The following SDK1 variants were observed in gnomAD, a reference collection of about 807,000 sequenced individuals.
SDK1 encodes the protein protein sidekick-1.
A neutral mutation model predicts 245.5 loss-of-function variants in SDK1; 157 were observed. The ratio of observed to expected loss-of-function variants is 0.64; its 90% CI spans 0.56 to 0.73. SDK1 has a LOEUF of 0.73. Among genes scored for constraint, SDK1 ranks in the 30% least tolerant of loss-of-function variants. SDK1 has a pLI of 0.00. For synonymous variants in SDK1, 1,647 were observed against 1,278.5 expected, an observed-to-expected ratio of 1.29 and a Z score of -6.15; for missense variants, 3,583 against 3,002.3, an observed-to-expected ratio of 1.19 and a Z score of -4.52.
intron 32 of SDK1, among the ~76,000 whole-genome samples, chr7:4,173,129 T>C (rs1409674965): frequency 1.3e-5 from 2 of 152,228 alleles, no homozygotes; most frequent in Non-Finnish European, 2.9e-5. Flanking sequence ...ACACCGGAAG[T>C]TCTGTGCACA....
rs144470781 is a variant in SDK1 at position 3,388,185 on chromosome 7, A to C, written c.298+86301A>C. On this transcript the variant is annotated intron_variant, in intron 1 of 44. Transcript: ENST00000404826. ...CTTCAGTTATTTTAGTTATAAAATGAGATGGGATAAGGTTCACTGTTAAAT... is the reference window on the plus strand; with the variant it reads ...CTTCAGTTATTTTAGTTATAAAATGCGATGGGATAAGGTTCACTGTTAAAT... 5.9e-5 allele frequency among the ~76,000 whole-genome samples: 9 copies of C among 152,248 alleles called. No individual in the cohort carries two copies. The East Asian group carries it at 1.7e-3, about 29-fold the overall frequency.
At chr7:3,439,584 T>G (rs1780134354) in intron 1 of SDK1, among the ~76,000 whole-genome samples, 1 of 152,246 alleles carries the variant, frequency 6.6e-6, no homozygotes, top group Non-Finnish European at 1.5e-5. Context: ...GTCACTGTTG[T>G]GGGAATGTCC....
intron 1 of SDK1, among the ~76,000 whole-genome samples, chr7:3,311,929 G>A (rs1353776494): frequency 6.6e-6 from 1 of 152,190 alleles, no homozygotes; most frequent in African/African-American, 2.4e-5. Context: ...AGGGTCTCAT[G>A]GAGGAGTAGG....
intron 1 of SDK1, among the ~76,000 whole-genome samples, chr7:3,602,093 T>A (rs561605030): frequency 6.6e-6 from 1 of 152,112 alleles, no homozygotes; most frequent in Non-Finnish European, 1.5e-5. Flanking sequence ...GACATTTAGG[T>A]TGGTTCCAAG....
chr7:3,597,104 A>G (rs1037476366), intron 1 of SDK1, among the ~76,000 whole-genome samples: 5 of 151,918 alleles, frequency 3.3e-5, no homozygotes, highest in Non-Finnish European at 4.4e-5. Context: ...CCCTGTCTCT[A>G]CTAAAAATAC....
At chr7:4,171,874 T>G (rs1007744079) in intron 32 of SDK1, among the ~76,000 whole-genome samples, 1 of 152,144 alleles carries the variant, frequency 6.6e-6, no homozygotes, top group African/African-American at 2.4e-5. Context: ...TCTGCAAAAT[T>G]GAAGAGGGCT....
chr7:3,546,409 G>A (rs1325261489), intron 1 of SDK1, among the ~76,000 whole-genome samples: 1 of 152,144 alleles, frequency 6.6e-6, no homozygotes, highest in African/African-American at 2.4e-5. Context: ...ATCAGATGAG[G>A]TTGTACACTA....
chr7:3,457,982 A>T (rs951434465), intron 1 of SDK1, among the ~76,000 whole-genome samples: 14 of 152,250 alleles, frequency 9.2e-5, no homozygotes, highest in African/African-American at 3.4e-4. Flanking sequence ...TTCTTGGTTG[A>T]AAACCATTTT....
chr7:4,177,047 C>G (rs927642081), intron 34 of SDK1, among the ~76,000 whole-genome samples: 11 of 152,216 alleles, frequency 7.2e-5, no homozygotes, highest in Admixed American at 2.0e-4. Context: ...GGGGCTGGCC[C>G]TCCCCGAGCC....
At chr7:3,318,588 C>T (rs1239179976) in intron 1 of SDK1, among the ~76,000 whole-genome samples, 2 of 152,132 alleles carry the variant, frequency 1.3e-5, no homozygotes, top group Non-Finnish European at 2.9e-5. Context: ...GTTTCGTGAC[C>T]TTTTGTCTTA....
chr7:3,840,777 G>A (rs367761527), intron 5 of SDK1, among the ~76,000 whole-genome samples: 7 of 152,312 alleles, frequency 4.6e-5, no homozygotes, highest in African/African-American at 7.2e-5. Context: ...CGAGAATCGC[G>A]AGCCTCGCCT....
chr7:3,324,012 T>C (rs1279196790), intron 1 of SDK1, among the ~76,000 whole-genome samples: 4 of 152,220 alleles, frequency 2.6e-5, no homozygotes, highest in Non-Finnish European at 4.4e-5. Context: ...AAGAATTGTA[T>C]CATGTTATCT....
At chr7:3,863,260 A>G (rs999655681) in intron 5 of SDK1, among the ~76,000 whole-genome samples, 3 of 152,032 alleles carry the variant, frequency 2.0e-5, no homozygotes, top group East Asian at 1.9e-4. Context: ...TGGGTTCCTT[A>G]CCTCTCCCAC....
chr7:3,706,245 C>A (rs1784886043), intron 4 of SDK1, among the ~76,000 whole-genome samples: 1 of 152,126 alleles, frequency 6.6e-6, no homozygotes, highest in South Asian at 2.1e-4. Context: ...GCTGTTATGT[C>A]TTTCCTGGCT....
At chr7:3,487,963 G>T (rs1781753846) in intron 1 of SDK1, among the ~76,000 whole-genome samples, 1 of 152,036 alleles carries the variant, frequency 6.6e-6, no homozygotes, top group Non-Finnish European at 1.5e-5. Context: ...ATCTGTGTCT[G>T]TGGTATTGTT....
intron 22 of SDK1, among the ~76,000 whole-genome samples, chr7:4,101,017 CAG>C (rs1330503925): frequency 6.6e-6 from 1 of 152,210 alleles, no homozygotes; most frequent in African/African-American, 2.4e-5. Flanking sequence ...GAGGTGCACA[CAG>C]GGGTCTCCTT....
chr7:3,482,129 G>T (rs1207120420), intron 1 of SDK1, among the ~76,000 whole-genome samples: 1 of 152,162 alleles, frequency 6.6e-6, no homozygotes, highest in Non-Finnish European at 1.5e-5. Context: ...ATAAAATAGG[G>T]TAATACTGGT....
At chr7:3,446,602 G>A (rs1780349366) in intron 1 of SDK1, among the ~76,000 whole-genome samples, 1 of 152,084 alleles carries the variant, frequency 6.6e-6, no homozygotes, top group African/African-American at 2.4e-5. Flanking sequence ...ATAAGTCTCT[G>A]CTTTTAATTT....
chr7:3,914,739 C>T (rs1779306535), intron 5 of SDK1, among the ~76,000 whole-genome samples: 1 of 152,134 alleles, frequency 6.6e-6, no homozygotes, highest in Non-Finnish European at 1.5e-5. Flanking sequence ...CCAGCAGATC[C>T]CTGATGGCCC....
Sources: allele counts gnomAD v4.1 joint callset (sites outside exome capture counted in the v4.1 genomes callset), GRCh38; gene constraint gnomAD v4.1.1; transcripts MANE v1.5; gene names NCBI Gene and HGNC (gene_info 2026-07-23, HGNC 2026-07-21).